Variants in DTWD1 observed in about 807,000 individuals in gnomAD.
DTWD1 encodes tRNA-uridine aminocarboxypropyltransferase 1.
DTWD1 carries 27 observed loss-of-function variants against 30.2 expected under a neutral mutation model. The observed-to-expected ratio is 0.90, with a 90% confidence interval of 0.66 to 1.23. The LOEUF (loss-of-function observed/expected upper bound fraction) is 1.23, where lower values mean the gene tolerates loss of function less well. Ranked by LOEUF, DTWD1 falls within the 50% of genes most tolerant of loss-of-function variation. The pLI, the probability that DTWD1 is intolerant of heterozygous loss-of-function variation, is 0.00. For missense variants in DTWD1, 342 were observed against 348.8 expected (o/e 0.98, Z 0.15); for synonymous variants, 99 against 113.1 (o/e 0.88, Z 0.79).
chr15:49,655,616 C>CA lies in DTWD1; in HGVS notation c.*12042dup, dbSNP rs2079173252. 1 of 151,924 alleles carries CA rather than the reference C, an allele frequency of 6.6e-6. No individual in the cohort carries two copies. Among genetic ancestry groups the CA allele is most frequent in the Non-Finnish European group, 1.5e-5 (1 of 67,964 alleles). 9.4% of individuals were successfully genotyped at this position (151,924 alleles called of 1,614,324 possible). ...GAATTGGGGTGCTATAGATAATTCCCAAAAGATTATCTAGCCTACAGGGCC... is the reference window on the plus strand; with the variant it reads ...GAATTGGGGTGCTATAGATAATTCCCAAAAAGATTATCTAGCCTACAGGGCC... On this transcript the variant is annotated 3_prime_UTR_variant, in exon 5 of 5. Transcript: ENST00000403028.
Position 49,633,043 on chromosome 15 carries a change from C to CTATCTATATATATA in DTWD1, c.408+744_408+745insCTATATATATATAT, listed in dbSNP as rs1555588572. 2.4e-3 allele frequency among the ~76,000 whole-genome samples: 314 copies of CTATCTATATATATA among 129,386 alleles called. 3 individuals carry two copies. The highest frequency in any genetic ancestry group is 3.3e-3 in the South Asian group (13 of 3,958). 84.9% of individuals were successfully genotyped at this position (129,386 alleles called of 152,430 possible). A position where few individuals can be genotyped will look rare whatever the true frequency, so the allele number is the denominator to read the frequency against. The stretch of plus-strand genomic sequence containing the variant: ...TAAATTTTTACTTTCCTATTTATAT[C>CTATCTATATATATA]TATATCTATATATATATATATATAT... On this transcript the variant is annotated intron_variant, in intron 3 of 4. Coordinates refer to ENST00000403028, the MANE Select transcript of DTWD1 (RefSeq NM_001144955.2).
chr15:49,629,351 A>T (rs1032950992), intron 2 of DTWD1, among the ~76,000 whole-genome samples: 3 of 152,088 alleles, frequency 2.0e-5, no homozygotes, highest in African/African-American at 7.2e-5. Context: ...TCATATAATT[A>T]AAAAAATAGG....
intron 2 of DTWD1, among the ~76,000 whole-genome samples, chr15:49,627,983 A>G (rs775964459): frequency 6.6e-6 from 1 of 152,222 alleles, no homozygotes; most frequent in Non-Finnish European, 1.5e-5. Context: ...TTGTGATAAC[A>G]CTTACATTTA....
At chr15:49,642,022 CCTCTCTTCCATTCTCTTTGTT>C (rs1189855065) in intron 4 of DTWD1, among the ~76,000 whole-genome samples, 2 of 152,060 alleles carry the variant, frequency 1.3e-5, no homozygotes, top group Non-Finnish European at 2.9e-5. Context: ...TTAACCGCTC[CCTCTCTTCCATTCTCTTTGTT>C]CTCTCTTCCT....
At position 49,628,698 on chromosome 15, in the gene DTWD1, TCTTTA is replaced by T. The variant is rs1008176083; in HGVS notation, c.264+3271_264+3275del. 1.4e-4 allele frequency among the ~76,000 whole-genome samples: 21 copies of T among 152,342 alleles called. No homozygotes were observed. The South Asian group carries it at 2.3e-3, about 17-fold the overall frequency. On this transcript the variant is annotated intron_variant, in intron 2 of 4. Transcript: ENST00000403028. ...TAAGTGTTCGAGAGCAGATTGATATTCTTTACTTGTTTGAAAACAGAATGTCTCTA... is the reference window on the plus strand; with the variant it reads ...TAAGTGTTCGAGAGCAGATTGATATTCTTGTTTGAAAACAGAATGTCTCTA...
intron 4 of DTWD1, among the ~76,000 whole-genome samples, chr15:49,638,989 C>T (rs1267083531): frequency 6.6e-6 from 1 of 152,130 alleles, no homozygotes; most frequent in Non-Finnish European, 1.5e-5. Flanking sequence ...TGGCATTATA[C>T]TGTAATTGGT....
Position 49,644,297 on chromosome 15 carries a change from T to C in DTWD1, c.*719T>C, listed in dbSNP as rs2079099865. On this transcript the variant is annotated 3_prime_UTR_variant, in exon 5 of 5. Coordinates refer to ENST00000403028, the MANE Select transcript of DTWD1 (RefSeq NM_001144955.2). The stretch of plus-strand genomic sequence containing the variant: ...TTTTATTTTATTTGGAATTGTGAAC[T>C]GATAATAATTGAAGCCTACCTGCTA... 6.6e-6 allele frequency: 1 copy of C among 152,146 alleles called. No homozygotes were observed. Among genetic ancestry groups the C allele is most frequent in the Non-Finnish European group, 1.5e-5 (1 of 68,026 alleles). The allele number at this position is 152,146 out of a possible 1,614,324, so 9.4% of individuals were successfully genotyped here.
In DTWD1 at chr15:49,653,260, A is replaced by G. The variant is rs1309866462; in HGVS notation, c.*9682A>G. On this transcript the variant is annotated 3_prime_UTR_variant, in exon 5 of 5. Coordinates refer to ENST00000403028, the MANE Select transcript of DTWD1 (RefSeq NM_001144955.2). The stretch of plus-strand genomic sequence containing the variant: ...GTCCTTAAAAGTGGAAGACGGATAC[A>G]TGAGAGGATGTCAGAATGATGTGAA... 1 of 152,146 alleles carries G rather than the reference A, an allele frequency of 6.6e-6. No homozygotes were observed. The highest frequency in any genetic ancestry group is 1.5e-5 in the Non-Finnish European group (1 of 68,018). 9.4% of individuals were successfully genotyped at this position (152,146 alleles called of 1,614,324 possible).
intron 1 of DTWD1, 133 bp from the exon 2 acceptor site, chr15:49,624,980 G>T: frequency 1.8e-6 from 1 of 553,836 alleles, no homozygotes; most frequent in African/African-American, 1.9e-5. Flanking sequence ...GTGCCAATTT[G>T]GTGGTTTAAA....
intron 1 of DTWD1, among the ~76,000 whole-genome samples, chr15:49,624,551 A>G (rs906846895): frequency 2.0e-5 from 3 of 152,158 alleles, no homozygotes; most frequent in African/African-American, 7.2e-5. Context: ...AATTTATAGG[A>G]TAATATATTT....
chr15:49,624,050 T>TAA (rs35444815), intron 1 of DTWD1, among the ~76,000 whole-genome samples: 53 of 147,922 alleles, frequency 3.6e-4, no homozygotes, highest in African/African-American at 8.7e-4. Context: ...CTTACAATCT[T>TAA]AAAAAAAAAA....
chr15:49,630,035 A>G (rs1210089056), intron 2 of DTWD1: 2 of 152,210 alleles, frequency 1.3e-5, no homozygotes, highest in Non-Finnish European at 2.9e-5. Context: ...ACACACACAC[A>G]CACACAACAT....
At position 49,643,904 on chromosome 15, in the gene DTWD1, A is replaced by G. The variant is rs111320940; in HGVS notation, c.*326A>G. 1,344 of 170,550 alleles carry G rather than the reference A, an allele frequency of 7.9e-3. 10 individuals carry two copies. The highest frequency in any genetic ancestry group is 0.024 in the Middle Eastern group (9 of 372). The allele number at this position is 170,550 out of a possible 1,614,324, so 10.6% of individuals were successfully genotyped here. A position where few individuals can be genotyped will look rare whatever the true frequency, so the allele number is the denominator to read the frequency against. ...GATCTAATTAGCTATTTATTTCAAC[A>G]TCTTTATATCTTTTCACCTGTACTC... On this transcript the variant is annotated 3_prime_UTR_variant, in exon 5 of 5. Transcript: ENST00000403028.
At chr15:49,628,847 T>C (rs2078880170) in intron 2 of DTWD1, among the ~76,000 whole-genome samples, 1 of 152,180 alleles carries the variant, frequency 6.6e-6, no homozygotes, top group Admixed American at 6.5e-5. Context: ...ATTTTTTTTC[T>C]TTCTTTTTTA....
rs1235417705 is a variant in DTWD1 at position 49,648,224 on chromosome 15, A to G, written c.*4646A>G. Reference sequence around the variant, plus strand: ...TCATACACTGTATATTAAGCTCTATATACACTGCATATCATCATCATGACA... The same window carrying G: ...TCATACACTGTATATTAAGCTCTATGTACACTGCATATCATCATCATGACA... On this transcript the variant is annotated 3_prime_UTR_variant, in exon 5 of 5. Coordinates refer to ENST00000403028, the MANE Select transcript of DTWD1 (RefSeq NM_001144955.2). 2 of 152,284 alleles carry G rather than the reference A, an allele frequency of 1.3e-5. No homozygotes were observed. Among genetic ancestry groups the G allele is most frequent in the Non-Finnish European group, 2.9e-5 (2 of 68,020 alleles). The allele number at this position is 152,284 out of a possible 1,614,324, so 9.4% of individuals were successfully genotyped here.
intron 4 of DTWD1, among the ~76,000 whole-genome samples, chr15:49,635,440 C>T (rs190980421): frequency 6.6e-6 from 1 of 152,110 alleles, no homozygotes; most frequent in East Asian, 1.9e-4. Context: ...GAAGTTAGAT[C>T]TTCTATTTTG....
In DTWD1 at chr15:49,651,938, C is replaced by CACCA. The variant is rs1342570921; in HGVS notation, c.*8361_*8364dup. On this transcript the variant is annotated 3_prime_UTR_variant, in exon 5 of 5. Coordinates refer to ENST00000403028, the MANE Select transcript of DTWD1 (RefSeq NM_001144955.2). Reference sequence around the variant, plus strand: ...ACAACCTGCTGAAGGTACAGCTGAACACCAGCTCATAGGCAAATTCTACAA... The same window carrying CACCA: ...ACAACCTGCTGAAGGTACAGCTGAACACCAACCAGCTCATAGGCAAATTCTACAA... The CACCA allele has an allele frequency of 2.6e-5, 4 of 152,104 alleles. No individual in the cohort carries two copies. Among genetic ancestry groups the CACCA allele is most frequent in the Admixed American group, 1.3e-4 (2 of 15,276 alleles). 9.4% of individuals were successfully genotyped at this position (152,104 alleles called of 1,614,324 possible). A position where few individuals can be genotyped will look rare whatever the true frequency, so the allele number is the denominator to read the frequency against.
At chr15:49,638,621 C>A (rs1294514661) in intron 4 of DTWD1, among the ~76,000 whole-genome samples, 1 of 152,156 alleles carries the variant, frequency 6.6e-6, no homozygotes, top group Non-Finnish European at 1.5e-5. Context: ...TTTAAAACTT[C>A]GTCATTTCGT....
At position 49,656,026 on chromosome 15, in the gene DTWD1, A is replaced by G. The variant is rs550529391; in HGVS notation, c.*12448A>G. 2 of 152,186 alleles carry G rather than the reference A, an allele frequency of 1.3e-5. No homozygotes were observed. The highest frequency in any genetic ancestry group is 4.1e-4 in the South Asian group (2 of 4,830). The allele number at this position is 152,186 out of a possible 1,614,324, so 9.4% of individuals were successfully genotyped here. On this transcript the variant is annotated 3_prime_UTR_variant, in exon 5 of 5. Coordinates refer to ENST00000403028, the MANE Select transcript of DTWD1 (RefSeq NM_001144955.2). ...AAACATTTATTTAGTGAAATACAGT[A>G]CAATTACAACAAGCATCAATGAATA...
Sources: gnomAD v4.1 joint callset for allele counts (sites outside exome capture counted in the v4.1 genomes callset) on GRCh38, gnomAD v4.1.1 for gene constraint, MANE v1.5 for transcripts, NCBI Gene and HGNC (gene_info 2026-07-23, HGNC 2026-07-21) for gene names.